Variants in NSUN6 observed in about 807,000 individuals in gnomAD.
NSUN6 encodes tRNA (cytosine(72)-C(5))-methyltransferase NSUN6.
A neutral mutation model predicts 58.0 loss-of-function variants in NSUN6; 64 were observed. The ratio of observed to expected loss-of-function variants is 1.10; its 90% CI spans 0.90 to 1.36. The LOEUF (loss-of-function observed/expected upper bound fraction) is 1.36. Among genes scored for constraint, NSUN6 ranks in the 40% most tolerant of loss-of-function variants. The pLI is 0.00. For synonymous variants in NSUN6, 231 were observed against 193.9 expected (o/e 1.19, Z -1.59); for missense variants, 701 against 550.1 (o/e 1.27, Z -2.74).
chr10:18,643,886 A>T (rs2059460965), intron 2 of NSUN6, among the ~76,000 whole-genome samples: 2 of 152,230 alleles, frequency 1.3e-5, no homozygotes, highest in Non-Finnish European at 2.9e-5. Flanking sequence ...GATTAGAAGC[A>T]TGTTAATATA....
At chr10:18,548,281 TA>T in intron 9 of NSUN6, 44 bp from the exon 10 acceptor site, 1 of 1,541,402 alleles carries the variant, frequency 6.5e-7, no homozygotes, top group Non-Finnish European at 8.8e-7. Context: ...CAAGACCAGA[TA>T]AACATATGAA....
intron 3 of NSUN6, among the ~76,000 whole-genome samples, chr10:18,634,620 G>A (rs564320486): frequency 1.0e-3 from 159 of 152,036 alleles, no homozygotes; most frequent in African/African-American, 3.8e-3. Flanking sequence ...AAATTAGCTG[G>A]TCTTGGTGGC....
At chr10:18,653,603 C>T (rs2059745259), upstream of NSUN6, 1 of 152,358 alleles carries the variant, frequency 6.6e-6, no homozygotes, top group Admixed American at 6.6e-5. Context: ...AACTCCTCAG[C>T]TCAAAGTGAT....
chr10:18,638,184 T>C (rs1012175830), intron 3 of NSUN6, among the ~76,000 whole-genome samples: 3 of 152,202 alleles, frequency 2.0e-5, no homozygotes, highest in Non-Finnish European at 2.9e-5. Context: ...GGCTCACACC[T>C]GTAATCCCAG....
At chr10:18,548,013 G>T in intron 10 of NSUN6, 99 bp downstream of exon 10, 5 of 1,148,112 alleles carry the variant, frequency 4.4e-6, no homozygotes, top group South Asian at 3.0e-5. Flanking sequence ...TGTTCACTTT[G>T]GAAGTTTTAC....
chr10:18,563,145 G>A (rs938970679), intron 8 of NSUN6, among the ~76,000 whole-genome samples: 2 of 150,880 alleles, frequency 1.3e-5, no homozygotes, highest in African/African-American at 2.4e-5. Context: ...AACTGGAATG[G>A]AGAGTGGAAC....
intron 8 of NSUN6, among the ~76,000 whole-genome samples, chr10:18,562,787 T>TGGAATGGAGTGGTGAAA (rs1554852989): frequency 1.4e-5 from 2 of 142,862 alleles, no homozygotes; most frequent in African/African-American, 5.3e-5. Flanking sequence ...GATAATGGAA[T>TGGAATGGAGTGGTGAAA]GGAATGGAGT....
intron 2 of NSUN6, among the ~76,000 whole-genome samples, chr10:18,646,126 C>G (rs376171855): frequency 6.6e-6 from 1 of 152,048 alleles, no homozygotes; most frequent in Non-Finnish European, 1.5e-5. Context: ...ACCTGGGAGG[C>G]AGAGGTTGCA....
chr10:18,581,420 T>C (rs568874068), intron 8 of NSUN6, among the ~76,000 whole-genome samples: 1 of 152,280 alleles, frequency 6.6e-6, no homozygotes, highest in South Asian at 2.1e-4. Context: ...ACTGGCACCA[T>C]GACAATTTAC....
intron 3 of NSUN6, among the ~76,000 whole-genome samples, chr10:18,642,144 A>C (rs1032016175): frequency 3.3e-5 from 5 of 152,216 alleles, no homozygotes; most frequent in Middle Eastern, 3.2e-3. Flanking sequence ...CAGCTCAAAA[A>C]AGAGTTTTAA....
At chr10:18,613,122 T>G (rs1228725338) in intron 5 of NSUN6, among the ~76,000 whole-genome samples, 3 of 152,116 alleles carry the variant, frequency 2.0e-5, no homozygotes, top group African/African-American at 7.2e-5. Context: ...TTTTTGAAAT[T>G]CTGAAGTCTC....
chr10:18,617,466 G>A (rs1338693279), intron 3 of NSUN6, among the ~76,000 whole-genome samples: 2 of 152,060 alleles, frequency 1.3e-5, no homozygotes, highest in Non-Finnish European at 2.9e-5. Flanking sequence ...GGGATTATAG[G>A]CATGAGCCAC....
chr10:18,567,958 C>T (rs577919442), intron 8 of NSUN6, among the ~76,000 whole-genome samples: 53 of 150,270 alleles, frequency 3.5e-4, no homozygotes, highest in Non-Finnish European at 7.0e-4. Context: ...TATTCTATTC[C>T]TTTCTCCATT....
chr10:18,577,689 T>C (rs2056719410), intron 8 of NSUN6, among the ~76,000 whole-genome samples: 2 of 152,214 alleles, frequency 1.3e-5, no homozygotes, highest in Non-Finnish European at 2.9e-5. Flanking sequence ...AAAGAATCAA[T>C]ATGTCAGTAT....
At chr10:18,645,673 G>C (rs1023367436) in intron 2 of NSUN6, among the ~76,000 whole-genome samples, 1 of 152,144 alleles carries the variant, frequency 6.6e-6, no homozygotes, top group African/African-American at 2.4e-5. Flanking sequence ...ATTATGAGTA[G>C]TGCTGCTATG....
At chr10:18,614,046 T>C (rs958154034) in intron 5 of NSUN6, among the ~76,000 whole-genome samples, 5 of 152,184 alleles carry the variant, frequency 3.3e-5, no homozygotes, top group African/African-American at 1.2e-4. Context: ...GCTAGGTTTC[T>C]GGTAAAATTT....
chr10:18,599,451 T>C lies in NSUN6; in HGVS notation c.658-3124A>G, dbSNP rs113491854. On this transcript the variant is annotated intron_variant, in intron 6 of 10. Transcript: ENST00000377304. ...TTATAATATTCCTTTACACTGGTTA[T>C]GCAGTATAATCACCGGGTAAGCTTA... Among the ~76,000 whole-genome samples, 643 of 152,318 alleles carry C rather than the reference T, an allele frequency of 4.2e-3. 8 individuals are homozygous for C. Among genetic ancestry groups the C allele is most frequent in the South Asian group, 0.032 (153 of 4,828 alleles).
Position 18,586,832 on chromosome 10 carries a change from TCCTG to T in NSUN6, c.778-743_778-740del, listed in dbSNP as rs560190614. Among the ~76,000 whole-genome samples, 15 of 152,334 alleles carry T rather than the reference TCCTG, an allele frequency of 9.8e-5. No individual in the cohort carries two copies. In the South Asian group the frequency reaches 3.1e-3, roughly 32 times the overall value. ...ATTCCCTTATTTGGCCCCGCCCACA[TCCTG>T]CCTATTGGTCCATTTTACAGAGCGC... On this transcript the variant is annotated intron_variant, in intron 7 of 10. Coordinates refer to ENST00000377304, the MANE Select transcript of NSUN6 (RefSeq NM_182543.5).
chr10:18,614,598 T>G lies in NSUN6; in HGVS notation c.437A>C (p.Asp146Ala). The change falls in exon 5 of 11, where the codon GAT (aspartate) becomes GCT (alanine). Residue 146 changes from aspartate to alanine, a missense_variant. Physicochemically the swap from Asp to Ala is moderately radical, Grantham distance 126 (BLOSUM62 -2). Transcript: ENST00000377304. Reference sequence around the variant, plus strand: ...AATATCAGAGTATACAGAAATAACATCTCCAGCTTTCATAACTAGAGAAAG... The same window carrying G: ...AATATCAGAGTATACAGAAATAACAGCTCCAGCTTTCATAACTAGAGAAAG... ...VSASQFMKAG[D>A]VISVYSDIKG... The G allele has an allele frequency of 7.0e-7, 1 of 1,418,532 alleles. No homozygotes were observed. The highest frequency in any genetic ancestry group is 9.5e-7 in the Non-Finnish European group (1 of 1,055,388). 87.9% of individuals were successfully genotyped at this position (1,418,532 alleles called of 1,614,324 possible). A position where few individuals can be genotyped will look rare whatever the true frequency, so the allele number is the denominator to read the frequency against.
Sources: allele counts gnomAD v4.1 joint callset (sites outside exome capture counted in the v4.1 genomes callset), GRCh38; gene constraint gnomAD v4.1.1; transcripts MANE v1.5; gene names NCBI Gene and HGNC (gene_info 2026-07-23, HGNC 2026-07-21).